Variants in RBMS1 observed in about 807,000 individuals in gnomAD.
RBMS1 encodes RNA binding motif single stranded interacting protein 1.
In RBMS1, 17 loss-of-function variants were observed where a neutral mutation model predicts 62.3. That is an observed-to-expected ratio of 0.27 (90% CI 0.19 to 0.41). The LOEUF is 0.41. Among genes scored for constraint, RBMS1 ranks in the 10% least tolerant of loss-of-function variants. RBMS1 has a pLI of 1.00. For synonymous variants in RBMS1, 172 were observed against 170.0 expected (o/e 1.01, Z -0.09); for missense variants, 334 against 504.5 (o/e 0.66, Z 3.24).
Position 160,456,775 on chromosome 2 carries a change from C to T in RBMS1, c.75+36514G>A, listed in dbSNP as rs558825238. On this transcript the variant is annotated intron_variant, in intron 1 of 13. Transcript: ENST00000348849. ...CACTCTCCAGCAGCAATGTGACCTC[C>T]CCTTCTTCCAATTTGGCTTCTTCTC... Among the ~76,000 whole-genome samples the T allele has an allele frequency of 1.4e-4, 21 of 152,026 alleles. No individual in the cohort carries two copies. The South Asian group carries it at 4.4e-3, about 32-fold the overall frequency.
intron 2 of RBMS1, among the ~76,000 whole-genome samples, chr2:160,337,780 C>A (rs977708502): frequency 1.3e-5 from 2 of 152,102 alleles, no homozygotes; most frequent in African/African-American, 4.8e-5. Context: ...AAAATTTAAC[C>A]ACATGATGTT....
intron 1 of RBMS1, among the ~76,000 whole-genome samples, chr2:160,378,654 A>G (rs1286107236): frequency 6.6e-6 from 1 of 151,698 alleles, no homozygotes; most frequent in Non-Finnish European, 1.5e-5. Context: ...CTTTTCTGTC[A>G]TAAGAGTACA....
intron 1 of RBMS1, among the ~76,000 whole-genome samples, chr2:160,401,197 A>G (rs1695409855): frequency 6.6e-6 from 1 of 152,216 alleles, no homozygotes; most frequent in African/African-American, 2.4e-5. Context: ...TATTGCATAT[A>G]CAATTGACAA....
chr2:160,313,112 C>T (rs1475801690), intron 4 of RBMS1, 44 bp downstream of exon 4: 2 of 1,587,268 alleles, frequency 1.3e-6, no homozygotes, highest in Admixed American at 3.4e-5. Flanking sequence ...GGCTTCACAA[C>T]CAAAGCTGTG....
chr2:160,452,332 T>C (rs1471453058), intron 1 of RBMS1, among the ~76,000 whole-genome samples: 2 of 152,160 alleles, frequency 1.3e-5, no homozygotes, highest in African/African-American at 4.8e-5. Flanking sequence ...GGGAGATGGG[T>C]TCCAGGACCC....
In RBMS1 at chr2:160,474,486, T is replaced by C. The variant is rs559132855; in HGVS notation, c.75+18803A>G. On this transcript the variant is annotated intron_variant, in intron 1 of 13. Transcript: ENST00000348849. ...TTGTTCTTTTTGAAAGAGAAAAACA[T>C]CTCCGTGAAACCAGAAACACCACCT... Among the ~76,000 whole-genome samples the C allele has an allele frequency of 2.8e-3, 420 of 152,284 alleles. 2 individuals are homozygous for C. The highest frequency in any genetic ancestry group is 6.8e-3 in the Middle Eastern group (2 of 294).
At chr2:160,481,343 T>G (rs1002520418) in intron 1 of RBMS1, among the ~76,000 whole-genome samples, 9 of 145,702 alleles carry the variant, frequency 6.2e-5, no homozygotes, top group Non-Finnish European at 1.3e-4. Context: ...AAAACACAGC[T>G]TCTAGTAGGA....
chr2:160,275,553 C>A, intron 13 of RBMS1, 77 bp downstream of exon 13: 1 of 1,544,012 alleles, frequency 6.5e-7, no homozygotes, highest in Non-Finnish European at 8.8e-7. Flanking sequence ...ATCCCAATCA[C>A]CATTCTGATT....
At chr2:160,337,817 C>T (rs1326819346) in intron 2 of RBMS1, among the ~76,000 whole-genome samples, 2 of 152,150 alleles carry the variant, frequency 1.3e-5, no homozygotes, top group Non-Finnish European at 2.9e-5. Context: ...AAGCCACTAG[C>T]TCTTAGGGCA....
At chr2:160,376,762 C>T (rs377762739) in intron 1 of RBMS1, among the ~76,000 whole-genome samples, 8 of 151,932 alleles carry the variant, frequency 5.3e-5, no homozygotes, top group East Asian at 1.9e-4. Flanking sequence ...CAGCCTCCCA[C>T]GTAGCTGGGA....
intron 1 of RBMS1, among the ~76,000 whole-genome samples, chr2:160,405,990 G>A (rs1695684109): frequency 6.6e-6 from 1 of 152,190 alleles, no homozygotes; most frequent in Admixed American, 6.5e-5. Context: ...TACTGGATCC[G>A]AGAGCATTTC....
intron 10 of RBMS1, 41 bp downstream of exon 10, chr2:160,281,273 C>T: frequency 3.3e-6 from 5 of 1,520,850 alleles, no homozygotes; most frequent in East Asian, 2.3e-5. Flanking sequence ...ATACACATAA[C>T]TTACTTGTAA....
chr2:160,314,549 C>T (rs2105965869), intron 3 of RBMS1, among the ~76,000 whole-genome samples: 1 of 152,040 alleles, frequency 6.6e-6, no homozygotes, highest in East Asian at 1.9e-4. Flanking sequence ...AGAAACAGCC[C>T]AAAGTCAGTT....
chr2:160,410,399 T>C (rs1695979873), intron 1 of RBMS1, among the ~76,000 whole-genome samples: 1 of 152,026 alleles, frequency 6.6e-6, no homozygotes, highest in South Asian at 2.1e-4. Context: ...CTTAACTAGG[T>C]ACTGTGTTCT....
intron 1 of RBMS1, among the ~76,000 whole-genome samples, chr2:160,369,493 T>C (rs780646889): frequency 6.6e-5 from 10 of 152,194 alleles, no homozygotes; most frequent in Non-Finnish European, 1.2e-4. Context: ...AAGCCTTTGA[T>C]TGACGCAGAG....
intron 2 of RBMS1, among the ~76,000 whole-genome samples, chr2:160,338,641 G>C (rs1295829116): frequency 1.3e-5 from 2 of 152,140 alleles, no homozygotes; most frequent in African/African-American, 4.8e-5. Context: ...GTTAAGGATA[G>C]AAACTGTTTT....
At chr2:160,313,428 A>C (rs1381631439) in intron 3 of RBMS1, among the ~76,000 whole-genome samples, 181 bp from the exon 4 acceptor site, 1 of 152,180 alleles carries the variant, frequency 6.6e-6, no homozygotes, top group African/African-American at 2.4e-5. Flanking sequence ...GTCGTCTATC[A>C]CCAGACAGAC....
rs150414897 is a variant in RBMS1, at chr2:160,385,517, T to C, written c.76-18126A>G. 2.0e-3 allele frequency among the ~76,000 whole-genome samples: 299 copies of C among 152,322 alleles called. 2 individuals are homozygous for C. The highest frequency in any genetic ancestry group is 6.8e-3 in the African/African-American group (283 of 41,576). ...CTGGAAGGCCTGGCCTGTTCCAGAC[T>C]GTCATTGTTCTGGGATTTTGTCACT... On this transcript the variant is annotated intron_variant, in intron 1 of 13. Transcript: ENST00000348849.
chr2:160,307,131 C>T (rs1161803926), intron 4 of RBMS1, among the ~76,000 whole-genome samples: 1 of 152,044 alleles, frequency 6.6e-6, no homozygotes, highest in Non-Finnish European at 1.5e-5. Flanking sequence ...ACTCAGTCAT[C>T]ATCCGAAAGA....
Sources: allele counts gnomAD v4.1 joint callset (sites outside exome capture counted in the v4.1 genomes callset), GRCh38; gene constraint gnomAD v4.1.1; transcripts MANE v1.5; gene names NCBI Gene and HGNC (gene_info 2026-07-23, HGNC 2026-07-21).